The following TNFRSF11A variants were observed in gnomAD, a reference collection of about 807,000 sequenced individuals.
TNFRSF11A encodes the protein TNF receptor superfamily member 11a.
In TNFRSF11A, 32 loss-of-function variants were observed where a neutral mutation model predicts 55.7. That is an observed-to-expected ratio of 0.57 (90% CI 0.43 to 0.77). The LOEUF is 0.77. Ranked by LOEUF, TNFRSF11A falls within the 30% of genes least tolerant of loss-of-function variation. TNFRSF11A has a pLI of 0.00. For missense variants in TNFRSF11A, 753 were observed against 809.8 expected (o/e 0.93, Z 0.85); for synonymous variants, 311 against 331.0 (o/e 0.94, Z 0.65).
chr18:62,384,271 C>A (rs1911498950), intron 9 of TNFRSF11A, among the ~76,000 whole-genome samples: 1 of 150,844 alleles, frequency 6.6e-6, no homozygotes. Flanking sequence ...CTCTCCTCCT[C>A]CTCCTCTTCC....
rs781351992 is a variant in TNFRSF11A at position 62,360,057 on chromosome 18, TA to T, written c.616+13del. 4.3e-6 allele frequency: 7 copies of T among 1,612,144 alleles called. No homozygotes were observed. The highest frequency in any genetic ancestry group is 5.1e-6 in the Non-Finnish European group (6 of 1,178,434). ...CTAGAAAACCACCAAATGGTATGTT[TA>T]AAAAGAGCCTGTTGGTTGATAGATG... On this transcript the variant is annotated intron_variant, in intron 6 of 9. Transcript: ENST00000586569.
rs768414340 is a variant in TNFRSF11A, at chr18:62,354,267, T to G, written c.284-124T>G. 1.7e-4 allele frequency: 211 copies of G among 1,257,734 alleles called. 1 individual carries two copies. In the South Asian group the frequency reaches 3.0e-3, roughly 18 times the overall value. 77.9% of individuals were successfully genotyped at this position (1,257,734 alleles called of 1,614,324 possible). A position where few individuals can be genotyped will look rare whatever the true frequency, so the allele number is the denominator to read the frequency against. Reference sequence around the variant, plus strand: ...ACTTCTCGAGCAGTGTCCTGGTGATTCACTCTGCAGGCCTGCCAGGCGGGC... The same window carrying G: ...ACTTCTCGAGCAGTGTCCTGGTGATGCACTCTGCAGGCCTGCCAGGCGGGC... On this transcript the variant is annotated intron_variant, in intron 3 of 9. Coordinates refer to ENST00000586569, the MANE Select transcript of TNFRSF11A (RefSeq NM_003839.4).
rs891150964 is a variant in TNFRSF11A, at chr18:62,386,841, C to G, written c.*1807C>G. 3.3e-5 allele frequency: 5 copies of G among 152,194 alleles called. No homozygotes were observed. Among genetic ancestry groups the G allele is most frequent in the African/African-American group, 1.2e-4 (5 of 41,430 alleles). 9.4% of individuals were successfully genotyped at this position (152,194 alleles called of 1,614,324 possible). On this transcript the variant is annotated 3_prime_UTR_variant, in exon 10 of 10. Coordinates refer to ENST00000586569, the MANE Select transcript of TNFRSF11A (RefSeq NM_003839.4). ...AGAACTGCAGGAAATAACTGCACAG[C>G]CAGGAGGATCCGTTGGTGGGAATTT...
intron 4 of TNFRSF11A, chr18:62,357,987 T>C (rs888436869): frequency 2.1e-6 from 1 of 475,338 alleles, no homozygotes; most frequent in African/African-American, 2.0e-5. Context: ...ATACCAGTGT[T>C]AGTGGCCTGA....
chr18:62,374,264 G>A (rs1910746228), intron 9 of TNFRSF11A: 1 of 152,108 alleles, frequency 6.6e-6, no homozygotes, highest in African/African-American at 2.4e-5. Context: ...ATTTTGGAAG[G>A]CTTTGGTCTG....
At chr18:62,366,894 G>C in intron 8 of TNFRSF11A, 134 bp downstream of exon 8, 2 of 937,432 alleles carry the variant, frequency 2.1e-6, no homozygotes. Context: ...TGTGCCTCAG[G>C]CTGGAGTGCA....
chr18:62,346,896 A>G (rs756312197), intron 1 of TNFRSF11A, among the ~76,000 whole-genome samples: 5 of 152,206 alleles, frequency 3.3e-5, no homozygotes, highest in Non-Finnish European at 5.9e-5. Context: ...CTCCAGCTGG[A>G]CTGAAGGTCT....
intron 1 of TNFRSF11A, among the ~76,000 whole-genome samples, chr18:62,328,981 T>G (rs968673805): frequency 6.6e-6 from 1 of 152,200 alleles, no homozygotes. Flanking sequence ...AATCAGTGTT[T>G]TATGAGGACA....
At chr18:62,364,767 A>G (rs530072510) in intron 7 of TNFRSF11A, among the ~76,000 whole-genome samples, 1 of 152,308 alleles carries the variant, frequency 6.6e-6, no homozygotes, top group East Asian at 1.9e-4. Flanking sequence ...ATGACTATAT[A>G]TATTTTGCGT....
At chr18:62,336,823 GT>G (rs1314681151) in intron 1 of TNFRSF11A, 3 of 152,194 alleles carry the variant, frequency 2.0e-5, no homozygotes, top group Non-Finnish European at 2.9e-5. Flanking sequence ...TGCAATTAAA[GT>G]TTTGAAACGC....
At chr18:62,335,918 C>T (rs974444983) in intron 1 of TNFRSF11A, among the ~76,000 whole-genome samples, 1 of 152,192 alleles carries the variant, frequency 6.6e-6, no homozygotes, top group African/African-American at 2.4e-5. Context: ...TAGCACTGTT[C>T]CAGTCTCCTT....
chr18:62,358,247 G>C lies in TNFRSF11A; in HGVS notation c.428-1G>C. 1 of 1,502,162 alleles carries C rather than the reference G, an allele frequency of 6.7e-7. No homozygotes were observed. The allele number at this position is 1,502,162 out of a possible 1,614,324, so 93.1% of individuals were successfully genotyped here. A position where few individuals can be genotyped will look rare whatever the true frequency, so the allele number is the denominator to read the frequency against. On this transcript the variant is annotated splice_acceptor_variant, in intron 4 of 9. Transcript: ENST00000586569. LOFTEE classifies it high-confidence loss of function. ...GTTGTTTTTTTTTTTTTTTCTCACA[G>C]TGCAGCTCAACAAGGACACAGTGTG... is the stretch of plus-strand genomic sequence containing the variant.
At chr18:62,351,729 T>G (rs2046475681) in intron 3 of TNFRSF11A, among the ~76,000 whole-genome samples, 1 of 152,258 alleles carries the variant, frequency 6.6e-6, no homozygotes, top group African/African-American at 2.4e-5. Flanking sequence ...TCATCCAGCA[T>G]TCTCCCAAGG....
intron 1 of TNFRSF11A, among the ~76,000 whole-genome samples, chr18:62,347,638 C>A (rs558301453): frequency 2.6e-5 from 4 of 152,102 alleles, no homozygotes; most frequent in Admixed American, 1.3e-4. Context: ...GCAGGCCGGG[C>A]GTGGTGGCTC....
Position 62,369,218 on chromosome 18 carries a change from G to A in TNFRSF11A, c.1301G>A (p.Trp434Ter), listed in dbSNP as rs1367146851. 1.2e-6 allele frequency: 2 copies of A among 1,613,784 alleles called. No individual in the cohort carries two copies. The highest frequency in any genetic ancestry group is 1.7e-6 in the Non-Finnish European group (2 of 1,180,028). The change falls in exon 9 of 10, where the codon TGG becomes TAG. Residue 434 changes from tryptophan (W) to a stop codon, truncating the protein, a stop_gained. Coordinates refer to ENST00000586569, the MANE Select transcript of TNFRSF11A (RefSeq NM_003839.4). LOFTEE classifies it high-confidence loss of function. ...GTGGACAGTGGCCATTGCCCGCACT[G>A]GGCAGCCAGCCCCAGCCCCAACTGG... ...KEVDSGHCPH[W>*]AASPSPNWAD...
chr18:62,343,183 T>G (rs1049274502), intron 1 of TNFRSF11A, among the ~76,000 whole-genome samples: 7 of 152,248 alleles, frequency 4.6e-5, no homozygotes, highest in Non-Finnish European at 8.8e-5. Flanking sequence ...CCATCCTTAC[T>G]GAAGTTATAG....
chr18:62,366,749 A>G lies in TNFRSF11A; in HGVS notation c.772A>G (p.Ser258Gly). 1 of 1,614,222 alleles carries G rather than the reference A, an allele frequency of 6.2e-7. No homozygotes were observed. Among genetic ancestry groups the G allele is most frequent in the Non-Finnish European group, 8.5e-7 (1 of 1,180,034 alleles). ...HWINEACGRL[S>G]GDKESSGDSC... ...GATCAATGAGGCTTGTGGCCGCCTA[A>G]GTGGAGATAAGGTAGAGTGAACAGT... Residue 258 changes from serine to glycine, a missense_variant, in exon 8 of 10, where the codon AGT (serine) becomes GGT (glycine). Around this residue, in one of 3 missense-constraint regions of TNFRSF11A, gnomAD observed 567 missense variants for 596.7 expected, o/e 0.95. Transcript: ENST00000586569.
Position 62,369,237 on chromosome 18 carries a change from C to CAACTGGGCAGAT in TNFRSF11A, c.1321_1332dup (p.Asn441_Asp444dup), listed in dbSNP as rs1307507595. On this transcript the variant is annotated inframe_insertion, in exon 9 of 10. Coordinates refer to ENST00000586569, the MANE Select transcript of TNFRSF11A (RefSeq NM_003839.4). ...CGCACTGGGCAGCCAGCCCCAGCCCCAACTGGGCAGATGTCTGCACAGGCT... is the reference window on the plus strand; with the variant it reads ...CGCACTGGGCAGCCAGCCCCAGCCCCAACTGGGCAGATAACTGGGCAGATGTCTGCACAGGCT... 2 of 1,613,684 alleles carry CAACTGGGCAGAT rather than the reference C, an allele frequency of 1.2e-6. No individual in the cohort carries two copies. The highest frequency in any genetic ancestry group is 1.1e-5 in the South Asian group (1 of 91,090).
intron 1 of TNFRSF11A, among the ~76,000 whole-genome samples, chr18:62,346,049 T>C (rs1352765753): frequency 6.6e-6 from 1 of 152,206 alleles, no homozygotes; most frequent in African/African-American, 2.4e-5. Flanking sequence ...CATCTGACAG[T>C]GCCCCTAAGC....
Sources: gnomAD v4.1 joint callset for allele counts (sites outside exome capture counted in the v4.1 genomes callset) on GRCh38, gnomAD v4.1.1 for gene constraint, gnomAD v4.1.1 regional missense constraint, MANE v1.5 for transcripts, NCBI Gene and HGNC (gene_info 2026-07-23, HGNC 2026-07-21) for gene names.